The following RFTN2 variants were observed in gnomAD, a reference collection of about 807,000 sequenced individuals.
RFTN2 encodes the protein raftlin family member 2, also known as raftlin-2.
In RFTN2, 34 loss-of-function variants were observed where a neutral mutation model predicts 52.7. The ratio of observed to expected loss-of-function variants is 0.64; its 90% CI spans 0.49 to 0.86. The LOEUF is 0.86. RFTN2 is among the 40% of genes least tolerant of loss of function. The pLI is 0.00. For synonymous variants in RFTN2, 203 were observed against 217.7 expected (o/e 0.93, Z 0.59); for missense variants, 536 against 600.1 (o/e 0.89, Z 1.12).
chr2:197,590,222 T>C (rs2087680821), intron 8 of RFTN2, among the ~76,000 whole-genome samples: 1 of 152,144 alleles, frequency 6.6e-6, no homozygotes, highest in African/African-American at 2.4e-5. Context: ...ACTCTTTGCC[T>C]AACTCCACTT....
chr2:197,615,485 A>C (rs925841160), intron 7 of RFTN2, among the ~76,000 whole-genome samples: 4 of 152,244 alleles, frequency 2.6e-5, no homozygotes, highest in Non-Finnish European at 5.9e-5. Context: ...AGTACTTACA[A>C]AATATTGGCA....
intron 5 of RFTN2, among the ~76,000 whole-genome samples, chr2:197,619,116 CCCCGTCCGGGAGG>C (rs2088208634): frequency 6.6e-6 from 1 of 151,290 alleles, no homozygotes; most frequent in Non-Finnish European, 1.5e-5. Flanking sequence ...CGGCCAGCCG[CCCCGTCCGGGAGG>C]GAGGTGGGGG....
intron 8 of RFTN2, among the ~76,000 whole-genome samples, chr2:197,581,789 C>T (rs1452427725): frequency 1.3e-5 from 2 of 152,206 alleles, no homozygotes; most frequent in Non-Finnish European, 2.9e-5. Context: ...TACAAAACAA[C>T]AACTCCTTTC....
At chr2:197,594,023 T>C (rs1005234035) in intron 8 of RFTN2, among the ~76,000 whole-genome samples, 19 of 147,062 alleles carry the variant, frequency 1.3e-4, no homozygotes, top group Non-Finnish European at 2.1e-4. Flanking sequence ...TTCTTTTTTT[T>C]TTTTTTTTTT....
chr2:197,640,029 G>GA (rs891352862), intron 3 of RFTN2, among the ~76,000 whole-genome samples: 64 of 152,328 alleles, frequency 4.2e-4, no homozygotes, highest in Middle Eastern at 3.4e-3. Context: ...CCTGCTGGGG[G>GA]TGCCTCCCAG....
rs1184323937 is a variant in RFTN2, at chr2:197,634,997, T to C, written c.439-1000A>G. 2.0e-5 allele frequency among the ~76,000 whole-genome samples: 3 copies of C among 151,044 alleles called. No homozygotes were observed. The East Asian group carries it at 5.9e-4, about 30-fold the overall frequency. ...TGAGAATATGCGGTGTTTCGTTTTT[T>C]GTTCTTGCGATAGTTTACTAAGAAT... On this transcript the variant is annotated intron_variant, in intron 3 of 8. Transcript: ENST00000295049.
chr2:197,646,772 G>T, intron 1 of RFTN2, 106 bp from the exon 2 acceptor site: 1 of 875,794 alleles, frequency 1.1e-6, no homozygotes, highest in Non-Finnish European at 1.7e-6. Flanking sequence ...GATCTTGGCC[G>T]GGTGCAATGG....
intron 5 of RFTN2, among the ~76,000 whole-genome samples, chr2:197,627,142 A>G (rs1383599436): frequency 1.3e-5 from 2 of 152,020 alleles, no homozygotes; most frequent in South Asian, 4.1e-4. Flanking sequence ...ACCTTTTCCC[A>G]GTTCCTCTTT....
chr2:197,646,895 T>TAA (rs1163397340), intron 1 of RFTN2, among the ~76,000 whole-genome samples: 1 of 5,076 alleles, frequency 2.0e-4, no homozygotes, highest in Admixed American at 2.2e-3. Context: ...ACATTGTCTC[T>TAA]ACAAAAAAAA....
chr2:197,657,297 C>T (rs753666918), intron 1 of RFTN2, among the ~76,000 whole-genome samples: 4 of 152,202 alleles, frequency 2.6e-5, no homozygotes, highest in Non-Finnish European at 5.9e-5. Flanking sequence ...AGGCTAAATA[C>T]AGCCTGAGTC....
At chr2:197,666,666 C>G (rs1469825686) in intron 1 of RFTN2, among the ~76,000 whole-genome samples, 2 of 152,138 alleles carry the variant, frequency 1.3e-5, no homozygotes, top group African/African-American at 4.8e-5. Context: ...GTCTCCCATA[C>G]CTGAATGTCT....
At chr2:197,628,887 G>A (rs1306604990) in intron 5 of RFTN2, among the ~76,000 whole-genome samples, 2 of 152,182 alleles carry the variant, frequency 1.3e-5, no homozygotes, top group African/African-American at 4.8e-5. Flanking sequence ...TTCCGAAGAT[G>A]ACACAGCTAA....
chr2:197,610,678 C>T (rs1323980501), intron 7 of RFTN2, among the ~76,000 whole-genome samples: 6 of 152,146 alleles, frequency 3.9e-5, no homozygotes, highest in Non-Finnish European at 7.3e-5. Context: ...AGAGGGCATC[C>T]TTGTCTTGTG....
At chr2:197,673,414 C>T (rs1412862917) in intron 1 of RFTN2, among the ~76,000 whole-genome samples, 1 of 152,080 alleles carries the variant, frequency 6.6e-6, no homozygotes, top group East Asian at 1.9e-4. Flanking sequence ...GCTTCTGAAG[C>T]AAAGGCAATG....
intron 8 of RFTN2, among the ~76,000 whole-genome samples, chr2:197,595,522 G>A (rs2087781136): frequency 6.6e-6 from 1 of 152,192 alleles, no homozygotes; most frequent in East Asian, 1.9e-4. Context: ...AGGAGTTTGG[G>A]CTTCTGGGGA....
At chr2:197,629,436 G>A (rs1380428770) in intron 5 of RFTN2, among the ~76,000 whole-genome samples, 1 of 151,992 alleles carries the variant, frequency 6.6e-6, no homozygotes, top group Admixed American at 6.6e-5. Context: ...CACATACTGG[G>A]GCCTGTCATG....
chr2:197,641,628 T>G (rs1219239022), intron 3 of RFTN2, among the ~76,000 whole-genome samples: 1 of 152,242 alleles, frequency 6.6e-6, no homozygotes, highest in Admixed American at 6.5e-5. Context: ...TTTAAAATGT[T>G]ATTTTTAGTT....
Position 197,569,366 on chromosome 2 carries a change from A to C in RFTN2, c.*2642T>G, listed in dbSNP as rs2087280686. ...TAACTCCTTAGGCATAGAGAGCCCAAGTTTTTTTCTTTTTTTAAAATAATA... is the reference window on the plus strand; with the variant it reads ...TAACTCCTTAGGCATAGAGAGCCCACGTTTTTTTCTTTTTTTAAAATAATA... On this transcript the variant is annotated 3_prime_UTR_variant, in exon 9 of 9. Coordinates refer to ENST00000295049, the MANE Select transcript of RFTN2 (RefSeq NM_144629.3). The C allele has an allele frequency of 6.6e-6, 1 of 152,232 alleles. No homozygotes were observed. The allele number at this position is 152,232 out of a possible 1,614,324, so 9.4% of individuals were successfully genotyped here.
intron 5 of RFTN2, among the ~76,000 whole-genome samples, chr2:197,625,570 G>C (rs1300725625): frequency 6.6e-6 from 1 of 151,716 alleles, no homozygotes; most frequent in Non-Finnish European, 1.5e-5. Context: ...ATCTCTCTAG[G>C]GAGCACTGCA....
Sources: allele counts gnomAD v4.1 joint callset (sites outside exome capture counted in the v4.1 genomes callset), GRCh38; gene constraint gnomAD v4.1.1; transcripts MANE v1.5; gene names NCBI Gene and HGNC (gene_info 2026-07-23, HGNC 2026-07-21).